Variants in HEPH observed in about 807,000 individuals in gnomAD.
HEPH encodes hephaestin.
In HEPH, 69 loss-of-function variants were observed where a neutral mutation model predicts 80.8. The ratio of observed to expected loss-of-function variants is 0.85; its 90% CI spans 0.70 to 1.04. The LOEUF (loss-of-function observed/expected upper bound fraction) is 1.04, where lower values mean the gene tolerates loss of function less well. Ranked by LOEUF, HEPH falls within the 50% of genes least tolerant of loss-of-function variation. HEPH has a pLI of 0.00. For synonymous variants in HEPH, 431 were observed against 322.8 expected, an observed-to-expected ratio of 1.34 and a Z score of -3.60; for missense variants, 1,115 against 891.3, an observed-to-expected ratio of 1.25 and a Z score of -3.20.
intron 6 of HEPH, 116 bp from the exon 7 acceptor site, chrX:66,192,014 G>C: frequency 1.4e-6 from 1 of 700,535 alleles, no homozygotes. Context: ...TGGAGCAGGA[G>C]TAAAGAGAGT....
chrX:66,176,643 T>C (rs1384601910), intron 4 of HEPH, among the ~76,000 whole-genome samples: 1 of 110,754 alleles, frequency 9.0e-6, no homozygotes, highest in Non-Finnish European at 1.9e-5. Context: ...ATGCTATCCC[T>C]CCCCCCTCTC....
In HEPH at chrX:66,225,742, C is replaced by T. The variant is rs182893985; in HGVS notation, c.2563+17496C>T. 3.5e-5 allele frequency among the ~76,000 whole-genome samples: 4 copies of T among 112,832 alleles called. No individual in the cohort carries two copies. The Admixed American group carries it at 3.7e-4, about 11-fold the overall frequency. On this transcript the variant is annotated intron_variant, in intron 15 of 20. Transcript: ENST00000343002. ...CTGTGTCACTCAAGCTGGCCAGAGT[C>T]CCCCGCAGGGATGCTCCACAGGGCA...
chrX:66,187,078 T>C (rs768819278), intron 4 of HEPH, among the ~76,000 whole-genome samples: 23 of 108,512 alleles, frequency 2.1e-4, no homozygotes, highest in Non-Finnish European at 3.8e-4. Context: ...CCTGAAGTTT[T>C]GATTGTTTTT....
At chrX:66,239,316 C>A (rs892110395) in intron 15 of HEPH, among the ~76,000 whole-genome samples, 1 of 111,334 alleles carries the variant, frequency 9.0e-6, no homozygotes, top group Non-Finnish European at 1.9e-5. Flanking sequence ...CTTGTAGAGT[C>A]CCCAGAGTCT....
At chrX:66,231,374 G>A (rs1346991872) in intron 15 of HEPH, among the ~76,000 whole-genome samples, 2 of 101,257 alleles carry the variant, frequency 2.0e-5, no homozygotes, top group Non-Finnish European at 4.0e-5. Flanking sequence ...GGGCAGTATG[G>A]CCATTTTCAC....
chrX:66,233,674 G>A (rs1323741557), intron 15 of HEPH, among the ~76,000 whole-genome samples: 1 of 110,113 alleles, frequency 9.1e-6, no homozygotes, highest in Non-Finnish European at 1.9e-5. Flanking sequence ...TGTGCATCTA[G>A]TATTAGATTT....
At chrX:66,219,034 C>T (rs1253965105) in intron 15 of HEPH, among the ~76,000 whole-genome samples, 2 of 111,970 alleles carry the variant, frequency 1.8e-5, no homozygotes, top group African/African-American at 6.5e-5. Context: ...TTGAGAATCT[C>T]ACTCAATAGT....
Position 66,197,714 on chromosome X carries a change from C to T in HEPH, c.1533C>T (p.Pro511=). 8.3e-7 allele frequency: 1 copy of T among 1,211,860 alleles called. No homozygotes were observed. Among genetic ancestry groups the T allele is most frequent in the Non-Finnish European group, 1.1e-6 (1 of 895,479 alleles). Residue 511 remains proline (P), a synonymous_variant, in exon 10 of 21, where the codon CCC becomes CCT. Coordinates refer to ENST00000343002, the MANE Select transcript of HEPH (RefSeq NM_001367233.3). The part of the protein sequence containing the change: ...GSSYPGLVAK[P]FEKVTYRWTV... Reference sequence around the variant, plus strand: ...CTTACCCTGGCTTGGTTGCCAAGCCCTTTGAGAAAGTAACATACCGCTGGA... The same window carrying T: ...CTTACCCTGGCTTGGTTGCCAAGCCTTTTGAGAAAGTAACATACCGCTGGA...
rs935131085 is a variant in HEPH at position 66,267,153 on chromosome X, G to T, written c.*481G>T. ...TAGGCTTGATGGGAAATTGAAGGTA[G>T]GCTGAGTATTGGGAATCCAAATTGA... On this transcript the variant is annotated 3_prime_UTR_variant, in exon 21 of 21. Transcript: ENST00000343002. 8.6e-6 allele frequency: 1 copy of T among 116,707 alleles called. No homozygotes were observed. The highest frequency in any genetic ancestry group is 3.2e-5 in the African/African-American group (1 of 30,871). The allele number at this position is 116,707 out of a possible 1,213,427, so 9.6% of individuals were successfully genotyped here.
intron 8 of HEPH, 118 bp from the exon 9 acceptor site, chrX:66,194,980 G>T (rs1053494287): frequency 1.6e-5 from 9 of 576,061 alleles, no homozygotes; most frequent in Non-Finnish European, 2.3e-5. Flanking sequence ...ACAAAGAAAA[G>T]TTTTTTATTT....
intron 15 of HEPH, among the ~76,000 whole-genome samples, chrX:66,213,634 G>T (rs899712745): frequency 4.5e-5 from 5 of 111,066 alleles, no homozygotes; most frequent in Non-Finnish European, 9.4e-5. Flanking sequence ...TGTATGCAAA[G>T]TTCATTTGGA....
At chrX:66,226,039 T>C (rs1027501446) in intron 15 of HEPH, among the ~76,000 whole-genome samples, 1 of 110,504 alleles carries the variant, frequency 9.0e-6, no homozygotes, top group Non-Finnish European at 1.9e-5. Flanking sequence ...AAGCAGGGGG[T>C]ATGTGACTGG....
intron 11 of HEPH, among the ~76,000 whole-genome samples, chrX:66,199,504 T>C (rs1303291434): frequency 9.0e-6 from 1 of 111,686 alleles, no homozygotes; most frequent in African/African-American, 3.3e-5. Context: ...TTGGAAAAAG[T>C]AAAACCATCT....
rs371864446 is a variant in HEPH at position 66,194,645 on chromosome X, G to A, written c.1370-453G>A. On this transcript the variant is annotated intron_variant, in intron 8 of 20. Coordinates refer to ENST00000343002, the MANE Select transcript of HEPH (RefSeq NM_001367233.3). Reference sequence around the variant, plus strand: ...CAGAATTGGTTTCAGATTGAGGCAAGCACAGATCTTAGATAGGTCCACAAA... The same window carrying A: ...CAGAATTGGTTTCAGATTGAGGCAAACACAGATCTTAGATAGGTCCACAAA... Among the ~76,000 whole-genome samples the A allele has an allele frequency of 9.8e-5, 11 of 111,761 alleles. No homozygotes were observed. In the East Asian group the frequency reaches 2.5e-3, roughly 26 times the overall value.
intron 6 of HEPH, among the ~76,000 whole-genome samples, 171 bp from the exon 7 acceptor site, chrX:66,191,959 C>T (rs909574424): frequency 2.7e-5 from 3 of 111,534 alleles, no homozygotes; most frequent in African/African-American, 9.8e-5. Flanking sequence ...CCTGGACTCT[C>T]TCTCTCAGCC....
chrX:66,266,718 C>A lies in HEPH; in HGVS notation c.*46C>A. 1 of 949,157 alleles carries A rather than the reference C, an allele frequency of 1.1e-6. No homozygotes were observed. The highest frequency in any genetic ancestry group is 1.5e-6 in the Non-Finnish European group (1 of 669,233). The allele number at this position is 949,157 out of a possible 1,213,427, so 78.2% of individuals were successfully genotyped here. A position where few individuals can be genotyped will look rare whatever the true frequency, so the allele number is the denominator to read the frequency against. On this transcript the variant is annotated 3_prime_UTR_variant, in exon 21 of 21. Transcript: ENST00000343002. ...CCTCAGGAAGCACATCTGTAGTGCA[C>A]TCCCAGCAGGCCATGGACTAGTCAC...
At chrX:66,235,787 C>A (rs937536518) in intron 15 of HEPH, among the ~76,000 whole-genome samples, 2 of 111,646 alleles carry the variant, frequency 1.8e-5, no homozygotes, top group African/African-American at 6.5e-5. Context: ...TTGCTTTGGA[C>A]TGTATGGCCA....
At chrX:66,162,938 T>C (rs2086239134), upstream of HEPH, 1 of 1,031,909 alleles carries the variant, frequency 9.7e-7, no homozygotes, top group Admixed American at 3.2e-5. Context: ...CTGGGTCTGT[T>C]GGGTAGATGC....
intron 4 of HEPH, among the ~76,000 whole-genome samples, chrX:66,186,970 C>G (rs1371335976): frequency 9.0e-6 from 1 of 110,725 alleles, no homozygotes; most frequent in Non-Finnish European, 1.9e-5. Context: ...ATTTGAAGAC[C>G]TTGTCTTCAG....
Sources: allele counts gnomAD v4.1 joint callset (sites outside exome capture counted in the v4.1 genomes callset), GRCh38; gene constraint gnomAD v4.1.1; transcripts MANE v1.5; gene names NCBI Gene and HGNC (gene_info 2026-07-23, HGNC 2026-07-21).